VWDE: variants seen among roughly 807,000 people sequenced by gnomAD.
The protein encoded by VWDE is von Willebrand factor D and EGF domain-containing protein.
In VWDE, 207 loss-of-function variants were observed where a neutral mutation model predicts 178.4. The ratio of observed to expected loss-of-function variants is 1.16; its 90% CI spans 1.04 to 1.30. The LOEUF (loss-of-function observed/expected upper bound fraction) is 1.30. Ranked by LOEUF, VWDE falls within the 50% of genes most tolerant of loss-of-function variation. The pLI is 0.00. For synonymous variants in VWDE, 738 were observed against 651.4 expected (o/e 1.13, Z -2.02); for missense variants, 2,287 against 1,901.3 (o/e 1.20, Z -3.77).
At chr7:12,338,043 T>C (rs73292373) in intron 24 of VWDE, among the ~76,000 whole-genome samples, 2,831 of 152,180 alleles carry the variant, frequency 0.019, 82 homozygotes, top group African/African-American at 0.064. Context: ...TAAATGTTAG[T>C]TTGTATTTTA....
intron 3 of VWDE, 59 bp downstream of exon 3, chr7:12,389,068 T>C (rs973382337): frequency 1.8e-6 from 2 of 1,132,324 alleles, no homozygotes; most frequent in East Asian, 5.1e-5. Flanking sequence ...ATCCAGAGAA[T>C]GGTACGAATG....
chr7:12,340,407 G>T lies in VWDE; in HGVS notation c.4281C>A (p.Asp1427Glu). 7 of 1,550,884 alleles carry T rather than the reference G, an allele frequency of 4.5e-6. No homozygotes were observed. The highest frequency in any genetic ancestry group is 6.1e-6 in the Non-Finnish European group (7 of 1,146,586). ...YGPTCSTALC[D>E]PVCLNGGSCN... ...ACGAACCACCATTGAGGCAGACAGG[G>T]TCGCACAAAGCTAATAAACAGCAGG... Residue 1427 changes from aspartate (D) to glutamate (E), a missense_variant, in exon 24 of 29, where the codon GAC becomes GAA. By Grantham distance (45) the Asp-to-Glu change is conservative. Coordinates refer to ENST00000275358, the MANE Select transcript of VWDE (RefSeq NM_001135924.3).
At position 12,330,975 on chromosome 7, in the gene VWDE, C is replaced by T; in HGVS notation, c.*208G>A. ...TCAATATGTAAATATCCTATCCCAT[C>T]TCAACATCAAATTTAGATTACCTGG... On this transcript the variant is annotated 3_prime_UTR_variant, in exon 29 of 29. Transcript: ENST00000275358. 2.0e-6 allele frequency: 1 copy of T among 496,664 alleles called. No homozygotes were observed. The highest frequency in any genetic ancestry group is 3.6e-6 in the Non-Finnish European group (1 of 279,752). The allele number at this position is 496,664 out of a possible 1,614,324, so 30.8% of individuals were successfully genotyped here. A position where few individuals can be genotyped will look rare whatever the true frequency, so the allele number is the denominator to read the frequency against.
intron 19 of VWDE, among the ~76,000 whole-genome samples, chr7:12,349,797 A>G (rs990529311): frequency 6.6e-6 from 1 of 152,080 alleles, no homozygotes. Flanking sequence ...ATAACAGTGG[A>G]AAGATACAAC....
chr7:12,349,763 T>G (rs564542512), intron 19 of VWDE, among the ~76,000 whole-genome samples: 62 of 152,042 alleles, frequency 4.1e-4, no homozygotes, highest in Non-Finnish European at 7.7e-4. Context: ...TTTGGCAACT[T>G]CTATCTAGGA....
At chr7:12,381,775 T>C (rs894020812) in intron 4 of VWDE, among the ~76,000 whole-genome samples, 7 of 151,806 alleles carry the variant, frequency 4.6e-5, no homozygotes, top group Admixed American at 1.3e-4. Flanking sequence ...TAAAAATTTA[T>C]CCTTAAATAA....
At chr7:12,383,053 T>G (rs1783933798) in intron 4 of VWDE, among the ~76,000 whole-genome samples, 1 of 151,978 alleles carries the variant, frequency 6.6e-6, no homozygotes, top group Non-Finnish European at 1.5e-5. Context: ...TATAATGTAC[T>G]TCTATACTTT....
intron 23 of VWDE, among the ~76,000 whole-genome samples, chr7:12,341,704 TG>T (rs1010309769): frequency 6.6e-6 from 1 of 152,140 alleles, no homozygotes; most frequent in Non-Finnish European, 1.5e-5. Context: ...AATTCAGAAT[TG>T]CTTAGATATT....
At chr7:12,367,645 A>G (rs935124001) in intron 12 of VWDE, among the ~76,000 whole-genome samples, 152 bp from the exon 13 acceptor site, 7 of 152,092 alleles carry the variant, frequency 4.6e-5, no homozygotes, top group Non-Finnish European at 7.4e-5. Context: ...AAGCCATTAA[A>G]TGTTAAGAGT....
At position 12,359,763 on chromosome 7, in the gene VWDE, T is replaced by C. The variant is rs1782471325; in HGVS notation, c.3160-71A>G. ...AGAAAAAAAAAAGTACATAGAAGGA[T>C]GGCAGTGTATGTATTGATGATTCCA... is the stretch of plus-strand genomic sequence containing the variant. On this transcript the variant is annotated intron_variant, in intron 15 of 28. Coordinates refer to ENST00000275358, the MANE Select transcript of VWDE (RefSeq NM_001135924.3). 3.6e-6 allele frequency: 3 copies of C among 835,284 alleles called. No homozygotes were observed. In the African/African-American group the frequency reaches 5.2e-5, roughly 15 times the overall value. 51.7% of individuals were successfully genotyped at this position (835,284 alleles called of 1,614,324 possible). A position where few individuals can be genotyped will look rare whatever the true frequency, so the allele number is the denominator to read the frequency against.
At chr7:12,390,219 A>T (rs1045449453) in intron 2 of VWDE, among the ~76,000 whole-genome samples, 1 of 152,022 alleles carries the variant, frequency 6.6e-6, no homozygotes, top group Non-Finnish European at 1.5e-5. Flanking sequence ...GTCATTTATC[A>T]AAATCCTTTT....
intron 18 of VWDE, among the ~76,000 whole-genome samples, chr7:12,355,415 CAA>C (rs5882357): frequency 5.0e-5 from 7 of 139,746 alleles, no homozygotes; most frequent in African/African-American, 1.6e-4. Context: ...AACTCCGTCT[CAA>C]AAAAAAAAAA....
Position 12,377,775 on chromosome 7 carries a change from C to T in VWDE, c.1024+1G>A. 1 of 1,470,542 alleles carries T rather than the reference C, an allele frequency of 6.8e-7. No homozygotes were observed. The highest frequency in any genetic ancestry group is 9.1e-7 in the Non-Finnish European group (1 of 1,099,060). The allele number at this position is 1,470,542 out of a possible 1,614,324, so 91.1% of individuals were successfully genotyped here. A position where few individuals can be genotyped will look rare whatever the true frequency, so the allele number is the denominator to read the frequency against. On this transcript the variant is annotated splice_donor_variant, in intron 7 of 28. Transcript: ENST00000275358. LOFTEE classifies it high-confidence loss of function. ...AAGATAAAATAAAGTTAGTATATTA[C>T]CTTGACCAATAGTTTTCAGTTTTAA...
Position 12,357,501 on chromosome 7 carries a change from CT to C in VWDE, c.3288del (p.Val1097Ter). On this transcript the variant is annotated frameshift_variant, in exon 17 of 29. Transcript: ENST00000275358. LOFTEE classifies it high-confidence loss of function. ...AATTTGTCTTGCAATGCTTGAATCA[CT>C]GGGGGCTGGTTGTCTGTAATAGAGA... The part of the protein sequence containing the change: ...TWSFLENNQP[P>X]VIQALQDKLQ... The C allele has an allele frequency of 6.4e-7, 1 of 1,552,138 alleles. No individual in the cohort carries two copies. Among genetic ancestry groups the C allele is most frequent in the South Asian group, 1.2e-5 (1 of 84,052 alleles).
intron 5 of VWDE, 139 bp downstream of exon 5, chr7:12,380,347 A>G: frequency 8.9e-7 from 1 of 1,127,280 alleles, no homozygotes; most frequent in Non-Finnish European, 1.2e-6. Context: ...GCACAATTGC[A>G]AGGAAAAAAA....
At chr7:12,352,038 A>G (rs1444679956) in intron 18 of VWDE, among the ~76,000 whole-genome samples, 5 of 152,160 alleles carry the variant, frequency 3.3e-5, no homozygotes, top group African/African-American at 1.2e-4. Context: ...AGGAAGAGAT[A>G]CCACACATGC....
intron 4 of VWDE, 84 bp from the exon 5 acceptor site, chr7:12,380,817 T>A: frequency 6.9e-7 from 1 of 1,450,302 alleles, no homozygotes; most frequent in African/African-American, 1.4e-5. Flanking sequence ...AGACTATAAC[T>A]CTGTGGTTTA....
At chr7:12,363,290 G>A (rs972865098) in intron 13 of VWDE, among the ~76,000 whole-genome samples, 1 of 151,812 alleles carries the variant, frequency 6.6e-6, no homozygotes, top group African/African-American at 2.4e-5. Context: ...CAATTCACAT[G>A]AATGGAGGGA....
At chr7:12,392,335 G>A (rs1784423856) in intron 2 of VWDE, among the ~76,000 whole-genome samples, 1 of 152,156 alleles carries the variant, frequency 6.6e-6, no homozygotes, top group Admixed American at 6.5e-5. Flanking sequence ...TATAACTTAG[G>A]ATGCTGAGTT....
Sources: gnomAD v4.1 joint callset for allele counts (sites outside exome capture counted in the v4.1 genomes callset) on GRCh38, gnomAD v4.1.1 for gene constraint, MANE v1.5 for transcripts, NCBI Gene and HGNC (gene_info 2026-07-23, HGNC 2026-07-21) for gene names.